Variants in HS2ST1 observed in about 807,000 individuals in gnomAD.
HS2ST1 encodes heparan sulfate 2-O-sulfotransferase 1.
A neutral mutation model predicts 42.9 loss-of-function variants in HS2ST1; 18 were observed. The observed-to-expected ratio is 0.42, with a 90% CI of 0.29 to 0.62. The LOEUF (loss-of-function observed/expected upper bound fraction) is 0.62, where lower values mean the gene tolerates loss of function less well. Ranked by LOEUF, HS2ST1 falls within the 20% of genes least tolerant of loss-of-function variation. The pLI is 0.21. For synonymous variants in HS2ST1, 146 were observed against 152.9 expected (o/e 0.95, Z 0.33); for missense variants, 334 against 433.8 (o/e 0.77, Z 2.04).
chr1:87,051,929 G>GT (rs1650844116), intron 1 of HS2ST1, among the ~76,000 whole-genome samples: 1 of 152,128 alleles, frequency 6.6e-6, no homozygotes, highest in Admixed American at 6.5e-5. Context: ...AGCTATAACA[G>GT]TTTCTCAGAA....
intron 1 of HS2ST1, among the ~76,000 whole-genome samples, chr1:87,031,684 CTTT>C (rs752055373): frequency 6.6e-5 from 10 of 152,150 alleles, no homozygotes; most frequent in Non-Finnish European, 1.5e-4. Context: ...AGTAGCACTT[CTTT>C]GAGTTCTTTC....
chr1:87,103,174 G>A (rs967124064), intron 5 of HS2ST1, among the ~76,000 whole-genome samples: 8 of 152,150 alleles, frequency 5.3e-5, no homozygotes, highest in Admixed American at 4.6e-4. Flanking sequence ...CATTTTTAAA[G>A]TGCCCTTAAA....
chr1:87,044,286 A>G (rs959054422), intron 1 of HS2ST1, among the ~76,000 whole-genome samples: 5 of 152,170 alleles, frequency 3.3e-5, no homozygotes, highest in African/African-American at 1.2e-4. Flanking sequence ...AAGAATGCAG[A>G]TGCCATTTAT....
chr1:86,966,892 A>G (rs1420754674), intron 1 of HS2ST1, among the ~76,000 whole-genome samples: 1 of 102,174 alleles, frequency 9.8e-6, no homozygotes, highest in Non-Finnish European at 2.0e-5. Flanking sequence ...AATAGAGTGC[A>G]TTCCTTTTTT....
chr1:87,018,881 C>T (rs980948882), intron 1 of HS2ST1, among the ~76,000 whole-genome samples: 2 of 152,152 alleles, frequency 1.3e-5, no homozygotes, highest in Middle Eastern at 3.2e-3. Flanking sequence ...TGAATTTTCC[C>T]TGTTCAAACT....
intron 1 of HS2ST1, among the ~76,000 whole-genome samples, chr1:87,024,940 A>C (rs1439449377): frequency 6.6e-6 from 1 of 152,202 alleles, no homozygotes; most frequent in African/African-American, 2.4e-5. Context: ...ATCATGCTTA[A>C]TGTATGTTTT....
intron 1 of HS2ST1, among the ~76,000 whole-genome samples, chr1:87,056,284 G>C (rs1650966980): frequency 6.6e-6 from 1 of 152,106 alleles, no homozygotes; most frequent in Non-Finnish European, 1.5e-5. Flanking sequence ...ATCATTTTTT[G>C]ATACAGCATG....
chr1:87,088,130 G>C (rs1427444396), intron 3 of HS2ST1, among the ~76,000 whole-genome samples: 1 of 151,942 alleles, frequency 6.6e-6, no homozygotes, highest in East Asian at 1.9e-4. Context: ...TGTCTTAACT[G>C]GTGTTTTCTT....
chr1:86,921,499 C>T (rs1660298732), intron 1 of HS2ST1, among the ~76,000 whole-genome samples: 1 of 152,068 alleles, frequency 6.6e-6, no homozygotes, highest in South Asian at 2.1e-4. Flanking sequence ...ATCTCCGATG[C>T]AACAGTATTG....
chr1:86,995,667 C>A (rs774915120), intron 1 of HS2ST1, among the ~76,000 whole-genome samples: 2 of 151,926 alleles, frequency 1.3e-5, no homozygotes, highest in Non-Finnish European at 2.9e-5. Flanking sequence ...TGCATTCTTT[C>A]AATATCTATA....
At chr1:87,091,326 A>G (rs1342750803) in intron 3 of HS2ST1, among the ~76,000 whole-genome samples, 5 of 152,056 alleles carry the variant, frequency 3.3e-5, no homozygotes, top group African/African-American at 9.7e-5. Context: ...AAAGAGGCCA[A>G]CCTAACTATA....
intron 2 of HS2ST1, among the ~76,000 whole-genome samples, chr1:87,073,529 T>C (rs1184017812): frequency 1.3e-5 from 2 of 151,612 alleles, no homozygotes; most frequent in Non-Finnish European, 3.0e-5. Flanking sequence ...ATTTGATGGA[T>C]ACTTGTATTC....
intron 3 of HS2ST1, among the ~76,000 whole-genome samples, chr1:87,091,244 G>A (rs1011974478): frequency 6.6e-6 from 1 of 151,954 alleles, no homozygotes; most frequent in African/African-American, 2.4e-5. Flanking sequence ...AATGAGAGCG[G>A]CACTCAAGGA....
rs370125326 is a variant in HS2ST1, at chr1:86,915,573, T to C, written c.124+413T>C. On this transcript the variant is annotated intron_variant, in intron 1 of 6. Transcript: ENST00000370550. ...AATGTCAGATGAGGGGTATTCTAAT[T>C]TGAGCTATGGGCATCTGGATACGAA... Among the ~76,000 whole-genome samples the C allele has an allele frequency of 6.4e-4, 97 of 152,290 alleles. 1 individual carries two copies. The highest frequency in any genetic ancestry group is 3.3e-3 in the South Asian group (16 of 4,824).
intron 2 of HS2ST1, among the ~76,000 whole-genome samples, chr1:87,079,508 T>C (rs915247882): frequency 6.6e-6 from 1 of 152,228 alleles, no homozygotes; most frequent in African/African-American, 2.4e-5. Context: ...CATCATTTAT[T>C]TGCTTCACAC....
intron 1 of HS2ST1, among the ~76,000 whole-genome samples, chr1:86,955,462 A>C (rs1647650601): frequency 6.6e-6 from 1 of 151,482 alleles, no homozygotes; most frequent in Non-Finnish European, 1.5e-5. Flanking sequence ...ATTCCCGCCC[A>C]CCCCCTGTGG....
At chr1:86,950,352 G>GTAGA (rs1261729915) in intron 1 of HS2ST1, among the ~76,000 whole-genome samples, 1 of 150,142 alleles carries the variant, frequency 6.7e-6, no homozygotes, top group Non-Finnish European at 1.5e-5. Flanking sequence ...AGATACATGG[G>GTAGA]TAGATAGATA....
chr1:87,048,859 ATGT>A lies in HS2ST1; in HGVS notation c.125-24070_125-24068del, dbSNP rs1650762961. ...GATAATTGTCCTTTCATTTCACTAA[ATGT>A]TGTTAATTTTTGCCTCTATAAGGGA... On this transcript the variant is annotated intron_variant, in intron 1 of 6. Coordinates refer to ENST00000370550, the MANE Select transcript of HS2ST1 (RefSeq NM_012262.4). Among the ~76,000 whole-genome samples, 3 of 152,218 alleles carry A rather than the reference ATGT, an allele frequency of 2.0e-5. No individual in the cohort carries two copies. The South Asian group carries it at 6.2e-4, about 32-fold the overall frequency.
chr1:86,969,839 G>A (rs1476731765), intron 1 of HS2ST1, among the ~76,000 whole-genome samples: 1 of 152,054 alleles, frequency 6.6e-6, no homozygotes, highest in South Asian at 2.1e-4. Flanking sequence ...AGAGTATTTA[G>A]TTGGGGCCGG....
Sources: gnomAD v4.1 joint callset for allele counts (sites outside exome capture counted in the v4.1 genomes callset) on GRCh38, gnomAD v4.1.1 for gene constraint, MANE v1.5 for transcripts, NCBI Gene and HGNC (gene_info 2026-07-23, HGNC 2026-07-21) for gene names.